CSMD1: variants seen among roughly 807,000 people sequenced by gnomAD.
CSMD1 encodes the protein CUB and sushi domain-containing protein 1.
A neutral mutation model predicts 417.5 loss-of-function variants in CSMD1; 213 were observed. That is an observed-to-expected ratio of 0.51 (90% CI 0.46 to 0.57). The LOEUF (loss-of-function observed/expected upper bound fraction) is 0.57, where lower values mean the gene tolerates loss of function less well. Ranked by LOEUF, CSMD1 falls within the 20% of genes least tolerant of loss-of-function variation. The pLI is 0.00. For missense variants in CSMD1, 6,923 were observed against 4,529.7 expected (o/e 1.53, Z -15.17); for synonymous variants, 2,862 against 1,736.8 (o/e 1.65, Z -16.11).
chr8:4,905,108 GC>G (rs1470832859), intron 1 of CSMD1, among the ~76,000 whole-genome samples: 1 of 152,026 alleles, frequency 6.6e-6, no homozygotes, highest in African/African-American at 2.4e-5. Flanking sequence ...TATTTTTAGT[GC>G]TCTATATACT....
chr8:3,305,541 C>T (rs1804766463), intron 25 of CSMD1, among the ~76,000 whole-genome samples: 1 of 151,938 alleles, frequency 6.6e-6, no homozygotes, highest in African/African-American at 2.4e-5. Context: ...TAAGCTTGGC[C>T]CCATTTCCTC....
intron 37 of CSMD1, among the ~76,000 whole-genome samples, chr8:3,166,952 T>C (rs1353536160): frequency 6.6e-6 from 1 of 152,188 alleles, no homozygotes; most frequent in Non-Finnish European, 1.5e-5. Context: ...ATACCATAAA[T>C]GATAATATAT....
At chr8:4,672,808 G>C (rs576530717) in intron 1 of CSMD1, among the ~76,000 whole-genome samples, 8 of 151,584 alleles carry the variant, frequency 5.3e-5, no homozygotes, top group African/African-American at 1.9e-4. Flanking sequence ...TCACATGCAT[G>C]GTAACAAAAC....
intron 1 of CSMD1, among the ~76,000 whole-genome samples, chr8:4,929,937 G>T (rs576587775): frequency 6.6e-6 from 1 of 152,190 alleles, no homozygotes; most frequent in Non-Finnish European, 1.5e-5. Flanking sequence ...AGCTAATTTA[G>T]TTCCTGAGTG....
intron 20 of CSMD1, among the ~76,000 whole-genome samples, chr8:3,366,685 A>G (rs981468038): frequency 6.6e-6 from 1 of 152,148 alleles, no homozygotes; most frequent in Non-Finnish European, 1.5e-5. Flanking sequence ...GACCCAGAGG[A>G]TGCCTCCCAA....
At chr8:4,038,541 A>G (rs1797732128) in intron 3 of CSMD1, among the ~76,000 whole-genome samples, 1 of 152,208 alleles carries the variant, frequency 6.6e-6, no homozygotes, top group African/African-American at 2.4e-5. Flanking sequence ...CTGAATTTTA[A>G]CCAGTTTGCC....
At chr8:3,805,545 G>T (rs1428616357) in intron 5 of CSMD1, among the ~76,000 whole-genome samples, 2 of 152,108 alleles carry the variant, frequency 1.3e-5, no homozygotes, top group Non-Finnish European at 2.9e-5. Flanking sequence ...CAGTGGAAAA[G>T]ATTTTTTGTT....
At chr8:4,948,423 T>A (rs1808511268) in intron 1 of CSMD1, among the ~76,000 whole-genome samples, 1 of 151,418 alleles carries the variant, frequency 6.6e-6, no homozygotes, top group Non-Finnish European at 1.5e-5. Flanking sequence ...GGCATATCTA[T>A]CTATTCCTGA....
At chr8:4,445,476 G>A (rs74800067) in intron 2 of CSMD1, among the ~76,000 whole-genome samples, 1 of 152,190 alleles carries the variant, frequency 6.6e-6, no homozygotes, top group East Asian at 1.9e-4. Context: ...ACTTAAGAAA[G>A]TCAAAGTCTT....
intron 5 of CSMD1, among the ~76,000 whole-genome samples, chr8:3,914,217 C>A (rs1030240557): frequency 6.6e-5 from 10 of 151,966 alleles, no homozygotes; most frequent in African/African-American, 2.2e-4. Context: ...AACTTGAGCA[C>A]CTGCAAAAGG....
intron 8 of CSMD1, among the ~76,000 whole-genome samples, chr8:3,594,820 C>T (rs1801016730): frequency 6.6e-6 from 1 of 152,170 alleles, no homozygotes; most frequent in East Asian, 1.9e-4. Flanking sequence ...CGCGGTGTGT[C>T]ATTCACCTTG....
chr8:3,896,148 A>T (rs2129130567), intron 5 of CSMD1, among the ~76,000 whole-genome samples: 1 of 152,282 alleles, frequency 6.6e-6, no homozygotes, highest in Admixed American at 6.5e-5. Context: ...AATTTGATTC[A>T]GTCAATGTAA....
chr8:3,325,467 G>A lies in CSMD1; in HGVS notation c.3632-16964C>T, dbSNP rs535287459. ...ATGTCATCCTCCTCTAGGTCCTTTTGTCTTTCTCCAAGTACTGGTGGCCAA... is the reference window on the plus strand; with the variant it reads ...ATGTCATCCTCCTCTAGGTCCTTTTATCTTTCTCCAAGTACTGGTGGCCAA... On this transcript the variant is annotated intron_variant, in intron 23 of 69. Coordinates refer to ENST00000635120, the MANE Select transcript of CSMD1 (RefSeq NM_033225.6). Among the ~76,000 whole-genome samples, 95 of 152,276 alleles carry A rather than the reference G, an allele frequency of 6.2e-4. 1 individual carries two copies. Among genetic ancestry groups the A allele is most frequent in the Middle Eastern group, 3.4e-3 (1 of 294 alleles).
rs965064426 is a variant in CSMD1, at chr8:3,095,380, A to C, written c.7138+1469T>G. 3.3e-5 allele frequency among the ~76,000 whole-genome samples: 5 copies of C among 152,258 alleles called. No individual in the cohort carries two copies. The East Asian group carries it at 7.7e-4, about 23-fold the overall frequency. ...ACCCCATTTTTATACTTGCGTAATGAGTTACTTCTCTCTACTCTACAGACT... is the reference window on the plus strand; with the variant it reads ...ACCCCATTTTTATACTTGCGTAATGCGTTACTTCTCTCTACTCTACAGACT... On this transcript the variant is annotated intron_variant, in intron 47 of 69. Coordinates refer to ENST00000635120, the MANE Select transcript of CSMD1 (RefSeq NM_033225.6).
At chr8:3,259,646 C>T (rs567075985) in intron 26 of CSMD1, among the ~76,000 whole-genome samples, 2 of 152,184 alleles carry the variant, frequency 1.3e-5, no homozygotes, top group African/African-American at 4.8e-5. Context: ...AATATGTATA[C>T]AAGTGAAATA....
At chr8:4,810,524 C>G (rs1798836471) in intron 1 of CSMD1, among the ~76,000 whole-genome samples, 1 of 150,618 alleles carries the variant, frequency 6.6e-6, no homozygotes, top group African/African-American at 2.5e-5. Flanking sequence ...TAGTAAAATA[C>G]ACGTGTGTGT....
chr8:3,451,391 A>G (rs1815702561), intron 12 of CSMD1, among the ~76,000 whole-genome samples: 2 of 152,188 alleles, frequency 1.3e-5, no homozygotes, highest in Admixed American at 1.3e-4. Context: ...GTCCTTGCCC[A>G]TGGCTATGTC....
intron 25 of CSMD1, among the ~76,000 whole-genome samples, chr8:3,293,512 G>C (rs867685002): frequency 6.6e-6 from 1 of 152,196 alleles, no homozygotes; most frequent in Middle Eastern, 3.4e-3. Flanking sequence ...TTTCTTGGAG[G>C]CTTTGTTTGT....
At chr8:3,415,847 A>G (rs999283659) in intron 12 of CSMD1, among the ~76,000 whole-genome samples, 2 of 152,222 alleles carry the variant, frequency 1.3e-5, no homozygotes, top group African/African-American at 2.4e-5. Flanking sequence ...AAATGGATCT[A>G]TGTTGTTTAG....
Sources: gnomAD v4.1 joint callset for allele counts (sites outside exome capture counted in the v4.1 genomes callset) on GRCh38, gnomAD v4.1.1 for gene constraint, MANE v1.5 for transcripts, NCBI Gene and HGNC (gene_info 2026-07-23, HGNC 2026-07-21) for gene names.